Variants in KPNB1 observed in about 807,000 individuals in gnomAD.
KPNB1 encodes the protein karyopherin subunit beta 1.
A neutral mutation model predicts 113.0 loss-of-function variants in KPNB1; 7 were observed. The ratio of observed to expected loss-of-function variants is 0.06; its 90% confidence interval spans 0.04 to 0.12. The LOEUF (loss-of-function observed/expected upper bound fraction) is 0.12, where lower values mean the gene tolerates loss of function less well. Ranked by LOEUF, KPNB1 falls within the 10% of genes least tolerant of loss-of-function variation. The pLI is 1.00. For missense variants in KPNB1, 400 were observed against 1,054.8 expected (o/e 0.38, Z 8.60); for synonymous variants, 363 against 378.6 (o/e 0.96, Z 0.48).
chr17:47,682,508 A>T lies in KPNB1; in HGVS notation c.*104A>T, dbSNP rs1305217002. 1.8e-4 allele frequency: 135 copies of T among 764,878 alleles called. 1 individual carries two copies. Among genetic ancestry groups the T allele is most frequent in the South Asian group, 3.9e-4 (28 of 72,574 alleles). The allele number at this position is 764,878 out of a possible 1,614,324, so 47.4% of individuals were successfully genotyped here. ...GTGCACGGATGCTGAATGTTTGGGA[A>T]TGAGAGGATGAGTGAGTGAGGCTTG... On this transcript the variant is annotated 3_prime_UTR_variant, in exon 22 of 22. Transcript: ENST00000290158.
At chr17:47,658,047 A>G (rs182814178) in intron 4 of KPNB1, among the ~76,000 whole-genome samples, 5 of 152,240 alleles carry the variant, frequency 3.3e-5, no homozygotes, top group South Asian at 2.1e-4. Flanking sequence ...GTGCCTGTGA[A>G]TAGCCACTGC....
chr17:47,674,323 A>G (rs889375940), intron 14 of KPNB1, among the ~76,000 whole-genome samples: 2 of 152,224 alleles, frequency 1.3e-5, no homozygotes, highest in African/African-American at 4.8e-5. Context: ...TAATTTAACT[A>G]TCATTCCAGT....
intron 6 of KPNB1, among the ~76,000 whole-genome samples, chr17:47,661,801 A>G (rs933996216): frequency 1.3e-5 from 2 of 152,138 alleles, no homozygotes; most frequent in African/African-American, 2.4e-5. Flanking sequence ...ATATGTATAC[A>G]CAAATAAACA....
At chr17:47,654,415 TAAAAAAAA>T (rs374274253) in intron 3 of KPNB1, among the ~76,000 whole-genome samples, 3 of 119,896 alleles carry the variant, frequency 2.5e-5, no homozygotes, top group African/African-American at 6.2e-5. Context: ...CTCCATTTCT[TAAAAAAAA>T]AAAAAAAAAA....
chr17:47,671,547 AATTT>A, intron 12 of KPNB1, among the ~76,000 whole-genome samples: 2 of 126,970 alleles, frequency 1.6e-5, no homozygotes, highest in South Asian at 5.4e-4. Flanking sequence ...TTAATTAATT[AATTT>A]ATTTTGAGAC....
chr17:47,671,228 G>A (rs1485900089), intron 12 of KPNB1, among the ~76,000 whole-genome samples: 1 of 152,242 alleles, frequency 6.6e-6, no homozygotes, highest in Non-Finnish European at 1.5e-5. Context: ...TTGCACTCCA[G>A]CCTGGACAAC....
chr17:47,683,887 G>A lies in KPNB1; in HGVS notation c.*1483G>A, dbSNP rs2030870709. ...CACTTGAATATTTTTTTAGAAGTGT[G>A]ATGTGGTATGATTACCATAAATCAG... On this transcript the variant is annotated 3_prime_UTR_variant, in exon 22 of 22. Transcript: ENST00000290158. 6.6e-6 allele frequency: 1 copy of A among 152,304 alleles called. No homozygotes were observed. Among genetic ancestry groups the A allele is most frequent in the Admixed American group, 6.5e-5 (1 of 15,284 alleles). The allele number at this position is 152,304 out of a possible 1,614,324, so 9.4% of individuals were successfully genotyped here. A position where few individuals can be genotyped will look rare whatever the true frequency, so the allele number is the denominator to read the frequency against.
intron 5 of KPNB1, among the ~76,000 whole-genome samples, chr17:47,659,456 A>G (rs548119679): frequency 5.9e-5 from 9 of 152,300 alleles, no homozygotes; most frequent in Non-Finnish European, 1.2e-4. Context: ...GCCTTGTACT[A>G]AAGATTTTGT....
At chr17:47,676,851 G>C (rs891137648) in intron 16 of KPNB1, among the ~76,000 whole-genome samples, 169 bp from the exon 17 acceptor site, 1 of 138,620 alleles carries the variant, frequency 7.2e-6, no homozygotes, top group Non-Finnish European at 1.5e-5. Flanking sequence ...GATCTCTCTC[G>C]GATAGTCTTT....
Position 47,650,029 on chromosome 17 carries a change from G to C in KPNB1, c.-216G>C. 2 of 1,338,934 alleles carry C rather than the reference G, an allele frequency of 1.5e-6. No homozygotes were observed. The highest frequency in any genetic ancestry group is 1.9e-6 in the Non-Finnish European group (2 of 1,050,362). The allele number at this position is 1,338,934 out of a possible 1,614,324, so 82.9% of individuals were successfully genotyped here. A position where few individuals can be genotyped will look rare whatever the true frequency, so the allele number is the denominator to read the frequency against. ...CCCCAGGGTCCCTCCCCCGCCGCCA[G>C]CAGCCCATTTGGAGGGAGGAAGTAA... On this transcript the variant is annotated 5_prime_UTR_variant, in exon 1 of 22. Transcript: ENST00000290158.
intron 15 of KPNB1, 68 bp from the exon 16 acceptor site, chr17:47,676,341 G>T: frequency 9.0e-7 from 1 of 1,105,164 alleles, no homozygotes; most frequent in Non-Finnish European, 1.4e-6. Context: ...AGGTAGGATG[G>T]GTTATTTCTG....
At chr17:47,678,559 G>A (rs1246674635) in intron 19 of KPNB1, 146 bp downstream of exon 19, 2 of 630,586 alleles carry the variant, frequency 3.2e-6, no homozygotes, top group Non-Finnish European at 2.9e-6. Flanking sequence ...CCCTAATGAA[G>A]AGAGTGGCTT....
intron 17 of KPNB1, among the ~76,000 whole-genome samples, 174 bp from the exon 18 acceptor site, chr17:47,677,871 AC>A (rs1183135701): frequency 3.9e-5 from 6 of 152,216 alleles, no homozygotes; most frequent in African/African-American, 1.2e-4. Flanking sequence ...GAATACCAAT[AC>A]CTGGGCTAGC....
At chr17:47,662,558 A>G (rs538709794) in intron 6 of KPNB1, among the ~76,000 whole-genome samples, 5 of 151,260 alleles carry the variant, frequency 3.3e-5, no homozygotes, top group Admixed American at 1.3e-4. Context: ...CCAGGGCGAC[A>G]GAGCAAGAAG....
At chr17:47,662,300 A>T (rs1401459253) in intron 6 of KPNB1, 1 of 152,248 alleles carries the variant, frequency 6.6e-6, no homozygotes, top group African/African-American at 2.4e-5. Flanking sequence ...CAAAAAAAAA[A>T]AGGACTGGCT....
chr17:47,655,800 C>T (rs950320206), intron 3 of KPNB1, among the ~76,000 whole-genome samples: 2 of 152,198 alleles, frequency 1.3e-5, no homozygotes, highest in Non-Finnish European at 1.5e-5. Flanking sequence ...TTTACTGCTA[C>T]CTCCTCTTGT....
Position 47,665,104 on chromosome 17 carries a change from G to A in KPNB1, c.945G>A (p.Ala315=), listed in dbSNP as rs775236333. The change falls in exon 9 of 22, where the codon GCG becomes GCA. Residue 315 remains alanine (A), a synonymous_variant. Transcript: ENST00000290158. ...CTGAGCACACCAGCAAGTTTTATGCGAAGGGAGCACTACAGTATCTGGTTC... is the reference window on the plus strand; with the variant it reads ...CTGAGCACACCAGCAAGTTTTATGCAAAGGGAGCACTACAGTATCTGGTTC... ...RPPEHTSKFY[A]KGALQYLVPI... 1.2e-5 allele frequency: 20 copies of A among 1,614,170 alleles called. No individual in the cohort carries two copies. Among genetic ancestry groups the A allele is most frequent in the South Asian group, 6.6e-5 (6 of 91,082 alleles).
intron 5 of KPNB1, among the ~76,000 whole-genome samples, chr17:47,659,891 C>G (rs557581499): frequency 2.7e-5 from 4 of 150,712 alleles, no homozygotes; most frequent in African/African-American, 9.7e-5. Flanking sequence ...GTGCAAGACT[C>G]TGTCTCCAAA....
chr17:47,653,393 C>G (rs959810519), intron 3 of KPNB1, among the ~76,000 whole-genome samples: 7 of 151,630 alleles, frequency 4.6e-5, no homozygotes, highest in African/African-American at 1.7e-4. Context: ...AGGCACCCAC[C>G]ACCATGCCCA....
Sources: gnomAD v4.1 joint callset for allele counts (sites outside exome capture counted in the v4.1 genomes callset) on GRCh38, gnomAD v4.1.1 for gene constraint, MANE v1.5 for transcripts, NCBI Gene and HGNC (gene_info 2026-07-23, HGNC 2026-07-21) for gene names.